CDC27: variants seen among roughly 807,000 people sequenced by gnomAD.
The protein encoded by CDC27 is cell division cycle protein 27 homolog.
CDC27 carries 27 observed loss-of-function variants against 109.7 expected under a neutral mutation model. The ratio of observed to expected loss-of-function variants is 0.25; its 90% CI spans 0.18 to 0.34. The LOEUF (loss-of-function observed/expected upper bound fraction) is 0.34. Among genes scored for constraint, CDC27 ranks in the 10% least tolerant of loss-of-function variants. The pLI, the probability that CDC27 is intolerant of heterozygous loss-of-function variation, is 1.00. For missense variants in CDC27, 579 were observed against 960.2 expected, an observed-to-expected ratio of 0.60 and a Z score of 5.25; for synonymous variants, 266 against 333.9, an observed-to-expected ratio of 0.80 and a Z score of 2.22.
Position 47,146,996 on chromosome 17 carries a change from G to A in CDC27, c.1071-3014C>T, listed in dbSNP as rs543312822. Among the ~76,000 whole-genome samples the A allele has an allele frequency of 1.2e-4, 18 of 152,280 alleles. 1 individual carries two copies. The South Asian group carries it at 2.3e-3, about 19-fold the overall frequency. On this transcript the variant is annotated intron_variant, in intron 9 of 18. Transcript: ENST00000066544. ...GAGGACTTCTTGAGCCCAGGAGTTT[G>A]AGGCTGCACTGAGCTATAATCACAC...
chr17:47,122,184 T>A (rs1006553254), intron 18 of CDC27, among the ~76,000 whole-genome samples: 4 of 151,972 alleles, frequency 2.6e-5, no homozygotes, highest in Admixed American at 2.0e-4. Context: ...ACTGGTTACA[T>A]ATTCAAACAT....
At chr17:47,143,041 A>C (rs908835654) in intron 10 of CDC27, among the ~76,000 whole-genome samples, 1 of 151,858 alleles carries the variant, frequency 6.6e-6, no homozygotes, top group Non-Finnish European at 1.5e-5. Flanking sequence ...ATGTAATCAG[A>C]GCTCACCACA....
At chr17:47,126,926 T>C (rs1441090643) in intron 16 of CDC27, among the ~76,000 whole-genome samples, 2 of 152,102 alleles carry the variant, frequency 1.3e-5, no homozygotes, top group Non-Finnish European at 2.9e-5. Flanking sequence ...CTTGAGTAGC[T>C]GGGATTACAG....
intron 2 of CDC27, among the ~76,000 whole-genome samples, chr17:47,179,883 T>C (rs1272285222): frequency 6.6e-6 from 1 of 152,190 alleles, no homozygotes; most frequent in Admixed American, 6.5e-5. Flanking sequence ...AAACCATGAA[T>C]TTACAATTTT....
At chr17:47,122,107 A>G (rs964338979) in intron 18 of CDC27, among the ~76,000 whole-genome samples, 6 of 152,130 alleles carry the variant, frequency 3.9e-5, no homozygotes, top group African/African-American at 1.4e-4. Flanking sequence ...ATCAGAATTT[A>G]TCTTGTCAGA....
At chr17:47,169,680 A>T (rs1200264959) in intron 4 of CDC27, 1 of 310,044 alleles carries the variant, frequency 3.2e-6, no homozygotes, top group Non-Finnish European at 5.8e-6. Context: ...CAAACAAAAA[A>T]ACCTAACATG....
intron 9 of CDC27, among the ~76,000 whole-genome samples, chr17:47,147,128 C>T (rs1156616862): frequency 2.6e-5 from 4 of 151,972 alleles, no homozygotes; most frequent in Non-Finnish European, 4.4e-5. Flanking sequence ...CAGCCGGGCG[C>T]GGTGGCTCAC....
chr17:47,130,643 C>A (rs1037827619), intron 15 of CDC27, among the ~76,000 whole-genome samples: 1 of 151,754 alleles, frequency 6.6e-6, no homozygotes, highest in African/African-American at 2.4e-5. Context: ...GGGAGGCCAA[C>A]GTGGGTGGAT....
In CDC27 at chr17:47,157,485, CA is replaced by C. The variant is rs980792646; in HGVS notation, c.476-102del. On this transcript the variant is annotated intron_variant, in intron 5 of 18. Coordinates refer to ENST00000066544, the MANE Select transcript of CDC27 (RefSeq NM_001256.6). ...GTGGAAACAGGAAATAGGCCTTATC[CA>C]AACTTTAAAAATCTCCTGTCCACTT... 2.2e-5 allele frequency: 18 copies of C among 821,672 alleles called. No homozygotes were observed. The African/African-American group carries it at 2.6e-4, about 12-fold the overall frequency. The allele number at this position is 821,672 out of a possible 1,614,324, so 50.9% of individuals were successfully genotyped here. A position where few individuals can be genotyped will look rare whatever the true frequency, so the allele number is the denominator to read the frequency against.
At chr17:47,157,193 T>C (rs1262044625) in intron 6 of CDC27, 37 bp downstream of exon 6, 2 of 1,577,774 alleles carry the variant, frequency 1.3e-6, no homozygotes, top group East Asian at 4.5e-5. Context: ...TTTGTAGTTT[T>C]CATAATATTT....
Position 47,174,198 on chromosome 17 carries a change from G to C in CDC27, c.104-2134C>G, listed in dbSNP as rs2063909065. ...TTCTTAGGCTCCTCACAAGTAACTT[G>C]GCAGCAGAAAAAGATAACAGTACCC... is the stretch of plus-strand genomic sequence containing the variant. On this transcript the variant is annotated intron_variant, in intron 2 of 18. Coordinates refer to ENST00000066544, the MANE Select transcript of CDC27 (RefSeq NM_001256.6). Among the ~76,000 whole-genome samples the C allele has an allele frequency of 2.0e-5, 3 of 152,324 alleles. 1 individual carries two copies. The South Asian group carries it at 6.2e-4, about 32-fold the overall frequency.
intron 8 of CDC27, 44 bp downstream of exon 8, chr17:47,154,628 G>T: frequency 1.0e-6 from 1 of 975,806 alleles, no homozygotes; most frequent in Non-Finnish European, 1.6e-6. Flanking sequence ...AAATAAACAA[G>T]TTGCTTTAAT....
chr17:47,175,840 G>A (rs1379908239), intron 2 of CDC27, among the ~76,000 whole-genome samples: 1 of 152,008 alleles, frequency 6.6e-6, no homozygotes, highest in Non-Finnish European at 1.5e-5. Context: ...AAAACAAATC[G>A]ATTATCTGTT....
intron 14 of CDC27, among the ~76,000 whole-genome samples, chr17:47,133,764 T>G (rs923709730): frequency 2.0e-5 from 3 of 152,008 alleles, no homozygotes; most frequent in African/African-American, 7.2e-5. Flanking sequence ...TTTTTTCTTT[T>G]TTGAGACAGT....
At chr17:47,123,800 T>C (rs1020602555) in intron 17 of CDC27, 86 bp downstream of exon 17, 2 of 883,762 alleles carry the variant, frequency 2.3e-6, no homozygotes, top group South Asian at 4.1e-5. Flanking sequence ...TCAATAGATA[T>C]GTACAGGAAG....
chr17:47,120,735 G>C lies in CDC27; in HGVS notation c.*200C>G, dbSNP rs767542427. The C allele has an allele frequency of 2.1e-6, 1 of 472,378 alleles. No individual in the cohort carries two copies. The highest frequency in any genetic ancestry group is 2.0e-5 in the African/African-American group (1 of 49,242). The allele number at this position is 472,378 out of a possible 1,614,324, so 29.3% of individuals were successfully genotyped here. Reference sequence around the variant, plus strand: ...TAAATTGTCATTCATACTGGTAAAAGAGCCAGTCTTGTTAGCAGCTAAATA... The same window carrying C: ...TAAATTGTCATTCATACTGGTAAAACAGCCAGTCTTGTTAGCAGCTAAATA... On this transcript the variant is annotated 3_prime_UTR_variant, in exon 19 of 19. Coordinates refer to ENST00000066544, the MANE Select transcript of CDC27 (RefSeq NM_001256.6).
chr17:47,178,810 G>A lies in CDC27; in HGVS notation c.103+2752C>T, dbSNP rs221606. On this transcript the variant is annotated intron_variant, in intron 2 of 18. Transcript: ENST00000066544. ...AATTCAGATTCTCTTTCCTTTTTCC[G>A]TTTTTTTTTTGAGACGGAGTCTCGC... 3.3e-5 allele frequency among the ~76,000 whole-genome samples: 5 copies of A among 150,658 alleles called. No homozygotes were observed. The South Asian group carries it at 8.4e-4, about 25-fold the overall frequency.
chr17:47,180,226 T>G (rs1329981845), intron 2 of CDC27, among the ~76,000 whole-genome samples: 1 of 152,246 alleles, frequency 6.6e-6, no homozygotes, highest in Non-Finnish European at 1.5e-5. Context: ...CACTTTTGCA[T>G]AAGTGAATGG....
chr17:47,160,659 C>A (rs188233175), intron 4 of CDC27, among the ~76,000 whole-genome samples: 1 of 152,236 alleles, frequency 6.6e-6, no homozygotes, highest in African/African-American at 2.4e-5. Flanking sequence ...GAAAAAAATT[C>A]AGAACAGCAA....
Sources: gnomAD v4.1 joint callset for allele counts (sites outside exome capture counted in the v4.1 genomes callset) on GRCh38, gnomAD v4.1.1 for gene constraint, MANE v1.5 for transcripts, NCBI Gene and HGNC (gene_info 2026-07-23, HGNC 2026-07-21) for gene names.